Variants in SYCP2 observed in about 807,000 individuals in gnomAD.
SYCP2 encodes synaptonemal complex lateral element protein.
SYCP2 carries 55 observed loss-of-function variants against 211.3 expected under a neutral mutation model. The ratio of observed to expected loss-of-function variants is 0.26; its 90% CI spans 0.21 to 0.33. The LOEUF is 0.33. Ranked by LOEUF, SYCP2 falls within the 10% of genes least tolerant of loss-of-function variation. The pLI is 1.00. For synonymous variants in SYCP2, 570 were observed against 555.2 expected (o/e 1.03, Z -0.37); for missense variants, 1,731 against 1,752.0 (o/e 0.99, Z 0.21).
chr20:59,914,748 A>G (rs1034628359), intron 10 of SYCP2, among the ~76,000 whole-genome samples: 2 of 151,978 alleles, frequency 1.3e-5, no homozygotes, highest in African/African-American at 4.8e-5. Context: ...CATCAATATG[A>G]AGAATATTAG....
chr20:59,866,559 T>C lies in SYCP2; in HGVS notation c.4156A>G (p.Thr1386Ala), dbSNP rs1600795564. The part of the protein sequence containing the change: ...IRHKMLSYFT[T>A]QSWKTAQQHL... Reference sequence around the variant, plus strand: ...TGCTGAGCTGTTTTCCAAGACTGCGTAGTAAAATAACTCAACATTTTATGT... The same window carrying C: ...TGCTGAGCTGTTTTCCAAGACTGCGCAGTAAAATAACTCAACATTTTATGT... The change falls in exon 40 of 45, where the codon ACG (threonine) becomes GCG (alanine). Residue 1386 changes from threonine (T) to alanine (A), a missense_variant. Around this residue, in one of 3 missense-constraint regions of SYCP2, gnomAD observed 1,387 missense variants for 1,351.3 expected, o/e 1.03. Coordinates refer to ENST00000357552, the MANE Select transcript of SYCP2 (RefSeq NM_014258.4). 8 of 1,602,876 alleles carry C rather than the reference T, an allele frequency of 5.0e-6. No individual in the cohort carries two copies. The highest frequency in any genetic ancestry group is 4.5e-5 in the East Asian group (2 of 44,654).
chr20:59,896,382 C>T (rs974074023), intron 19 of SYCP2, 47 bp downstream of exon 19: 2 of 1,067,366 alleles, frequency 1.9e-6, no homozygotes, highest in East Asian at 2.5e-5. Context: ...TAAAAAATGC[C>T]TCCTTTAAAA....
At chr20:59,906,897 A>G (rs1012755281) in intron 15 of SYCP2, among the ~76,000 whole-genome samples, 1 of 152,216 alleles carries the variant, frequency 6.6e-6, no homozygotes, top group Admixed American at 6.5e-5. Context: ...CACATGAAAA[A>G]GTGCTCAGCA....
rs750332727 is a variant in SYCP2 at position 59,919,455 on chromosome 20, T to C, written c.402+38A>G. ...ACAAATTGTTTTTTAAATAAACACA[T>C]GCTTTATAAATATCAGTGTAATCAA... is the stretch of plus-strand genomic sequence containing the variant. On this transcript the variant is annotated intron_variant, in intron 6 of 44. Transcript: ENST00000357552. 1.7e-5 allele frequency: 24 copies of C among 1,390,308 alleles called. No homozygotes were observed. The Admixed American group carries it at 2.2e-4, about 13-fold the overall frequency. The allele number at this position is 1,390,308 out of a possible 1,614,324, so 86.1% of individuals were successfully genotyped here.
At chr20:59,929,536 G>C (rs1244528038) in intron 2 of SYCP2, among the ~76,000 whole-genome samples, 1 of 152,158 alleles carries the variant, frequency 6.6e-6, no homozygotes, top group Non-Finnish European at 1.5e-5. Flanking sequence ...AATGTGGTGA[G>C]TGATGCAACT....
intron 22 of SYCP2, 96 bp downstream of exon 22, chr20:59,893,046 T>G (rs2059938080): frequency 1.2e-6 from 1 of 843,372 alleles, no homozygotes; most frequent in Non-Finnish European, 1.9e-6. Flanking sequence ...TAATACTAAT[T>G]CTAATCATAT....
chr20:59,924,684 T>C (rs1428701940), intron 2 of SYCP2, among the ~76,000 whole-genome samples: 1 of 148,152 alleles, frequency 6.7e-6, no homozygotes, highest in Non-Finnish European at 1.5e-5. Flanking sequence ...TATTATATTT[T>C]AAGAGATATA....
chr20:59,932,907 T>C (rs1229684106), intron 1 of SYCP2, among the ~76,000 whole-genome samples: 1 of 151,534 alleles, frequency 6.6e-6, no homozygotes, highest in African/African-American at 2.4e-5. Flanking sequence ...AGGAGGAAGG[T>C]TTTGCGCGCA....
intron 4 of SYCP2, 93 bp from the exon 5 acceptor site, chr20:59,920,580 T>A: frequency 9.7e-7 from 1 of 1,029,232 alleles, no homozygotes; most frequent in East Asian, 2.6e-5. Context: ...ATTTTAATCT[T>A]CACAAATCCT....
intron 5 of SYCP2, among the ~76,000 whole-genome samples, chr20:59,919,861 G>A (rs1259131005): frequency 6.6e-6 from 1 of 151,256 alleles, no homozygotes; most frequent in Non-Finnish European, 1.5e-5. Flanking sequence ...CCTAGTTAGG[G>A]TACGTTTATT....
At chr20:59,898,262 A>G (rs1016341428) in intron 18 of SYCP2, among the ~76,000 whole-genome samples, 1 of 152,254 alleles carries the variant, frequency 6.6e-6, no homozygotes, top group Non-Finnish European at 1.5e-5. Flanking sequence ...ATAAAGACAC[A>G]TGCACAGGTA....
chr20:59,894,405 CACTT>C (rs1162663036), intron 20 of SYCP2, among the ~76,000 whole-genome samples: 1 of 151,826 alleles, frequency 6.6e-6, no homozygotes, highest in Non-Finnish European at 1.5e-5. Flanking sequence ...TATTAAGAAA[CACTT>C]AGACAACTTG....
chr20:59,887,500 T>C (rs2059815227), intron 24 of SYCP2, among the ~76,000 whole-genome samples: 2 of 152,184 alleles, frequency 1.3e-5, no homozygotes, highest in Admixed American at 6.5e-5. Flanking sequence ...TATAATCCTT[T>C]GGGTATATAC....
At chr20:59,906,708 C>T (rs892549621) in intron 15 of SYCP2, among the ~76,000 whole-genome samples, 1 of 151,908 alleles carries the variant, frequency 6.6e-6, no homozygotes, top group South Asian at 2.1e-4. Flanking sequence ...TTTAAAACTG[C>T]TCACCAGATA....
In SYCP2 at chr20:59,890,773, A is replaced by G. The variant is rs555804908; in HGVS notation, c.2364+1217T>C. Reference sequence around the variant, plus strand: ...TTTGTGCTCCCAGAAAAAAAAAATGACTAGCTCAGGGAAATTATGTGAAAT... The same window carrying G: ...TTTGTGCTCCCAGAAAAAAAAAATGGCTAGCTCAGGGAAATTATGTGAAAT... On this transcript the variant is annotated intron_variant, in intron 24 of 44. Coordinates refer to ENST00000357552, the MANE Select transcript of SYCP2 (RefSeq NM_014258.4). Among the ~76,000 whole-genome samples, 8 of 152,102 alleles carry G rather than the reference A, an allele frequency of 5.3e-5. No individual in the cohort carries two copies. In the East Asian group the frequency reaches 1.5e-3, roughly 29 times the overall value.
intron 14 of SYCP2, among the ~76,000 whole-genome samples, chr20:59,911,202 G>A (rs1001120151): frequency 3.9e-5 from 6 of 152,086 alleles, no homozygotes; most frequent in African/African-American, 1.4e-4. Flanking sequence ...ATGAAATAAT[G>A]GCTCAAGGAT....
intron 10 of SYCP2, 87 bp from the exon 11 acceptor site, chr20:59,914,338 G>T: frequency 1.4e-6 from 1 of 691,054 alleles, no homozygotes; most frequent in Non-Finnish European, 2.2e-6. Context: ...ATTAGAATAA[G>T]CAAGAGAAAT....
At chr20:59,932,830 C>A (rs2060788730) in intron 1 of SYCP2, among the ~76,000 whole-genome samples, 1 of 152,236 alleles carries the variant, frequency 6.6e-6, no homozygotes, top group Non-Finnish European at 1.5e-5. Flanking sequence ...GGCTGGCGGC[C>A]TCAACCGCAA....
At chr20:59,873,729 C>T in intron 35 of SYCP2, 127 bp downstream of exon 35, 1 of 712,434 alleles carries the variant, frequency 1.4e-6, no homozygotes, top group Admixed American at 3.2e-5. Context: ...CCCTCTCCCC[C>T]AAGACCCTAG....
Sources: allele counts gnomAD v4.1 joint callset (sites outside exome capture counted in the v4.1 genomes callset), GRCh38; gene constraint gnomAD v4.1.1; regional missense constraint gnomAD v4.1.1; transcripts MANE v1.5; gene names NCBI Gene and HGNC (gene_info 2026-07-23, HGNC 2026-07-21).